Variants in WASHC3 observed in about 807,000 individuals in gnomAD.
WASHC3 encodes the protein WASH complex subunit CCDC53.
In WASHC3, 24 loss-of-function variants were observed where a neutral mutation model predicts 26.1. The observed-to-expected ratio is 0.92, with a 90% CI of 0.66 to 1.29. The LOEUF (loss-of-function observed/expected upper bound fraction) is 1.29. WASHC3 is among the 50% of genes most tolerant of loss of function. The probability of loss-of-function intolerance (pLI) is 0.00; values close to 1 mark genes in which losing one functional copy is unlikely to be tolerated. For missense variants in WASHC3, 214 were observed against 229.6 expected, an observed-to-expected ratio of 0.93 and a Z score of 0.44; for synonymous variants, 77 against 75.7, an observed-to-expected ratio of 1.02 and a Z score of -0.09.
chr12:102,062,096 C>T, upstream of WASHC3: 1 of 687,256 alleles, frequency 1.5e-6, no homozygotes, highest in South Asian at 1.9e-5. Context: ...AAGAAAGCTT[C>T]TCCGCTCACT....
chr12:102,017,351 A>G (rs1283851266), intron 6 of WASHC3, among the ~76,000 whole-genome samples: 2 of 152,206 alleles, frequency 1.3e-5, no homozygotes, highest in Non-Finnish European at 2.9e-5. Flanking sequence ...GCACGGCTGT[A>G]TATATACAAA....
chr12:102,015,016 G>T (rs1408831224), intron 6 of WASHC3, among the ~76,000 whole-genome samples: 1 of 152,124 alleles, frequency 6.6e-6, no homozygotes, highest in East Asian at 1.9e-4. Flanking sequence ...CTTTAGAAAA[G>T]GGTAGGCCAG....
intron 5 of WASHC3, among the ~76,000 whole-genome samples, chr12:102,037,817 A>G (rs1033570435): frequency 4.0e-5 from 6 of 151,270 alleles, no homozygotes; most frequent in Non-Finnish European, 5.9e-5. Flanking sequence ...TTTTTTTGAG[A>G]CAGAGTTTCA....
chr12:102,023,022 A>G (rs1015336973), intron 6 of WASHC3, among the ~76,000 whole-genome samples: 5 of 152,098 alleles, frequency 3.3e-5, no homozygotes, highest in Non-Finnish European at 5.9e-5. Flanking sequence ...TTGGTTATAT[A>G]TAAATGATTA....
chr12:102,028,532 G>A (rs780458422), intron 5 of WASHC3, among the ~76,000 whole-genome samples: 7 of 151,890 alleles, frequency 4.6e-5, no homozygotes, highest in African/African-American at 1.2e-4. Flanking sequence ...TCCACAGGAC[G>A]TCATTGGAAA....
intron 6 of WASHC3, among the ~76,000 whole-genome samples, chr12:102,014,146 G>A (rs1876601894): frequency 8.5e-6 from 1 of 117,604 alleles, no homozygotes; most frequent in Non-Finnish European, 1.6e-5. Context: ...GCAATGGTGT[G>A]ATCTCGGCTC....
At chr12:102,027,262 CA>C (rs1446242885) in intron 5 of WASHC3, among the ~76,000 whole-genome samples, 2 of 152,062 alleles carry the variant, frequency 1.3e-5, no homozygotes, top group African/African-American at 4.8e-5. Context: ...ATGAAAAGTA[CA>C]AATACTTAGA....
At chr12:102,056,646 T>C (rs559794904) in intron 2 of WASHC3, among the ~76,000 whole-genome samples, 5 of 152,326 alleles carry the variant, frequency 3.3e-5, no homozygotes, top group African/African-American at 7.2e-5. Flanking sequence ...TGACCAATTA[T>C]ATGCCAACAG....
chr12:102,013,345 C>T (rs1233864668), intron 6 of WASHC3, among the ~76,000 whole-genome samples, 153 bp from the exon 7 acceptor site: 1 of 152,220 alleles, frequency 6.6e-6, no homozygotes, highest in African/African-American at 2.4e-5. Flanking sequence ...GCGTGCTTCT[C>T]TCGGGCTTCT....
chr12:102,044,625 CTT>C (rs764831592), intron 3 of WASHC3, among the ~76,000 whole-genome samples: 2 of 152,026 alleles, frequency 1.3e-5, no homozygotes, highest in Non-Finnish European at 2.9e-5. Context: ...ATTGATAATA[CTT>C]CGAAAAAAAA....
chr12:102,061,818 G>A, intron 1 of WASHC3, 94 bp downstream of exon 1: 1 of 1,095,222 alleles, frequency 9.1e-7, no homozygotes, highest in South Asian at 1.4e-5. Context: ...CCGTGACAGG[G>A]TGGGGACTCG....
At chr12:102,062,060 C>A, upstream of WASHC3, 1 of 1,079,974 alleles carries the variant, frequency 9.3e-7, no homozygotes, top group Non-Finnish European at 1.4e-6. Flanking sequence ...CCCCCAAGTG[C>A]CCGCCTCCGG....
At chr12:102,013,213 A>T (rs1357031110) in intron 6 of WASHC3, 21 bp from the exon 7 acceptor site, 5 of 1,286,866 alleles carry the variant, frequency 3.9e-6, no homozygotes, top group Non-Finnish European at 2.2e-6. Flanking sequence ...AGAAAAAAAA[A>T]TTTCAAAGGT....
intron 3 of WASHC3, among the ~76,000 whole-genome samples, chr12:102,045,297 T>C (rs1349659739): frequency 6.6e-6 from 1 of 152,164 alleles, no homozygotes; most frequent in East Asian, 1.9e-4. Flanking sequence ...ACACAGTTGC[T>C]GAAGTCCATA....
chr12:102,030,868 G>A (rs1210333081), intron 5 of WASHC3, among the ~76,000 whole-genome samples: 1 of 152,102 alleles, frequency 6.6e-6, no homozygotes, highest in Non-Finnish European at 1.5e-5. Flanking sequence ...TCACACACCA[G>A]AAAAAGCAAG....
rs558742136 is a variant in WASHC3 at position 102,038,526 on chromosome 12, TTTG to T, written c.435+1339_435+1341del. Among the ~76,000 whole-genome samples, 169 of 152,090 alleles carry T rather than the reference TTTG, an allele frequency of 1.1e-3. 2 individuals are homozygous for T. Among genetic ancestry groups the T allele is most frequent in the African/African-American group, 1.7e-3 (72 of 41,486 alleles). ...TTTTGTTTAAAAGAGTGAAATAGTT[TTTG>T]TTGTTGTTGTTGTTGTTGTTGTTTT... On this transcript the variant is annotated intron_variant, in intron 5 of 6. Transcript: ENST00000240079.
At chr12:102,061,433 C>T (rs942146512) in intron 1 of WASHC3, 87 bp from the exon 2 acceptor site, 37 of 852,528 alleles carry the variant, frequency 4.3e-5, no homozygotes, top group Non-Finnish European at 6.5e-5. Flanking sequence ...TCACGAGGCA[C>T]TTTGCTGTGT....
intron 5 of WASHC3, among the ~76,000 whole-genome samples, chr12:102,029,938 T>G (rs1877362083): frequency 6.6e-6 from 1 of 152,172 alleles, no homozygotes. Context: ...ACTTAAAATT[T>G]AACTTAATAA....
intron 2 of WASHC3, among the ~76,000 whole-genome samples, chr12:102,057,601 C>A (rs760499257): frequency 6.6e-6 from 1 of 151,258 alleles, no homozygotes; most frequent in African/African-American, 2.4e-5. Flanking sequence ...ATACAAAAAT[C>A]AGTAGCATTT....
Sources: gnomAD v4.1 joint callset for allele counts (sites outside exome capture counted in the v4.1 genomes callset) on GRCh38, gnomAD v4.1.1 for gene constraint, MANE v1.5 for transcripts, NCBI Gene and HGNC (gene_info 2026-07-23, HGNC 2026-07-21) for gene names.